Variants in ZSCAN25 observed in about 807,000 individuals in gnomAD.
ZSCAN25 encodes the protein zinc finger and SCAN domain containing 25, also known as zinc finger and SCAN domain-containing protein 25.
ZSCAN25 carries 27 observed loss-of-function variants against 38.7 expected under a neutral mutation model. That is an observed-to-expected ratio of 0.70 (90% CI 0.51 to 0.96). The LOEUF (loss-of-function observed/expected upper bound fraction) is 0.96, where lower values mean the gene tolerates loss of function less well. Ranked by LOEUF, ZSCAN25 falls within the 40% of genes least tolerant of loss-of-function variation. ZSCAN25 has a pLI of 0.00. For missense variants in ZSCAN25, 637 were observed against 705.9 expected, an observed-to-expected ratio of 0.90 and a Z score of 1.11; for synonymous variants, 273 against 277.7, an observed-to-expected ratio of 0.98 and a Z score of 0.17.
At chr7:99,620,090 G>A in intron 4 of ZSCAN25, 97 bp downstream of exon 4, 4 of 1,440,524 alleles carry the variant, frequency 2.8e-6, no homozygotes, top group South Asian at 2.9e-5. Context: ...TGGACGAGGT[G>A]TGGAGCCGCC....
chr7:99,659,796 T>C, the ZSCAN25 span: 37,279 of 153,312 alleles, frequency 0.24, 8,295 homozygotes, highest in African/African-American at 0.59. Context: ...CCCCCAGCCT[T>C]GCTGCTGCCT....
At chr7:99,672,511 G>T in the ZSCAN25 span, 1 of 1,368,012 alleles carries the variant, frequency 7.3e-7, no homozygotes, top group Non-Finnish European at 1.0e-6. Flanking sequence ...GTGAATATAT[G>T]TTTTTTTCAA....
At chr7:99,660,432 A>G in the ZSCAN25 span, 3 of 1,511,164 alleles carry the variant, frequency 2.0e-6, no homozygotes. Context: ...TCTCCTGGGG[A>G]GTGGTGAGGA....
At chr7:99,624,415 G>A (rs1807281008) in intron 7 of ZSCAN25, 2 of 543,588 alleles carry the variant, frequency 3.7e-6, no homozygotes, top group Non-Finnish European at 6.6e-6. Context: ...AGACAGGTCG[G>A]TCATGAGGAC....
chr7:99,664,034 A>G, the ZSCAN25 span: 4 of 1,601,464 alleles, frequency 2.5e-6, no homozygotes, highest in African/African-American at 5.4e-5. Context: ...AATTTATGGT[A>G]TCTTTTGGAA....
At chr7:99,726,492 A>T in the ZSCAN25 span, among the ~76,000 whole-genome samples, 1 of 151,808 alleles carries the variant, frequency 6.6e-6, no homozygotes, top group Non-Finnish European at 1.5e-5. Flanking sequence ...TCCCTCCACA[A>T]CTCACTATTC....
chr7:99,713,382 T>C, the ZSCAN25 span: 6 of 1,587,804 alleles, frequency 3.8e-6, no homozygotes, highest in South Asian at 6.6e-5. Flanking sequence ...AATTCTCATC[T>C]ACCTGGAATA....
At chr7:99,644,168 G>A in the ZSCAN25 span, among the ~76,000 whole-genome samples, 1 of 152,128 alleles carries the variant, frequency 6.6e-6, no homozygotes, top group Non-Finnish European at 1.5e-5. Flanking sequence ...CTTGTACTGA[G>A]TCATTGTTTT....
At chr7:99,683,207 A>G in the ZSCAN25 span, among the ~76,000 whole-genome samples, 1 of 152,196 alleles carries the variant, frequency 6.6e-6, no homozygotes, top group African/African-American at 2.4e-5. Flanking sequence ...TTTCTCTAAA[A>G]AGCTCTGGTT....
Position 99,624,931 on chromosome 7 carries a change from C to T in ZSCAN25, c.805+751C>T, listed in dbSNP as rs549823580. Among the ~76,000 whole-genome samples, 20 of 152,208 alleles carry T rather than the reference C, an allele frequency of 1.3e-4. No homozygotes were observed. In the South Asian group the frequency reaches 3.5e-3, roughly 27 times the overall value. On this transcript the variant is annotated intron_variant, in intron 7 of 7. Transcript: ENST00000394152. The stretch of plus-strand genomic sequence containing the variant: ...GGGAGAGGAAACACTGTGGCTGGAG[C>T]GGCCTGTCCTTGTTCTTTGATTTTC...
At chr7:99,664,115 A>C in the ZSCAN25 span, 59 of 1,544,326 alleles carry the variant, frequency 3.8e-5, no homozygotes, top group Non-Finnish European at 4.4e-5. Flanking sequence ...AAACAAAACA[A>C]ACAAAAGGAA....
chr7:99,687,177 G>A, the ZSCAN25 span, among the ~76,000 whole-genome samples: 1 of 152,244 alleles, frequency 6.6e-6, no homozygotes, highest in Non-Finnish European at 1.5e-5. Context: ...GATGGAGAAT[G>A]ACTTTGGCAA....
the ZSCAN25 span, chr7:99,650,113 AC>A: frequency 1.9e-3 from 3,012 of 1,614,164 alleles, 3 homozygotes; most frequent in Non-Finnish European, 2.4e-3. Flanking sequence ...GTTCTGAAGG[AC>A]TCTGATTAGA....
At chr7:99,723,935 T>C in the ZSCAN25 span, among the ~76,000 whole-genome samples, 3 of 152,188 alleles carry the variant, frequency 2.0e-5, no homozygotes, top group African/African-American at 4.8e-5. Flanking sequence ...TTCACCCACA[T>C]TTCAGAGGTA....
the ZSCAN25 span, among the ~76,000 whole-genome samples, chr7:99,657,686 T>TA: frequency 1.3e-5 from 2 of 152,246 alleles, no homozygotes; most frequent in Non-Finnish European, 2.9e-5. Context: ...AGTGTGGTGT[T>TA]AAAGTCTTCC....
At chr7:99,733,648 A>G in the ZSCAN25 span, among the ~76,000 whole-genome samples, 1 of 152,174 alleles carries the variant, frequency 6.6e-6, no homozygotes, top group African/African-American at 2.4e-5. Context: ...GGCTTCAAGC[A>G]GATGAGATGC....
chr7:99,631,127 C>G lies in ZSCAN25; in HGVS notation c.*1107C>G, dbSNP rs1328142174. Reference sequence around the variant, plus strand: ...CGTGGATGTACCTGATCTTCAGAACCCGTGGATATTCCTGCAAATCCTCTG... The same window carrying G: ...CGTGGATGTACCTGATCTTCAGAACGCGTGGATATTCCTGCAAATCCTCTG... On this transcript the variant is annotated 3_prime_UTR_variant, in exon 8 of 8. Transcript: ENST00000394152. 1 of 985,286 alleles carries G rather than the reference C, an allele frequency of 1.0e-6. No individual in the cohort carries two copies. Among genetic ancestry groups the G allele is most frequent in the East Asian group, 1.1e-4 (1 of 8,834 alleles). 61.0% of individuals were successfully genotyped at this position (985,286 alleles called of 1,614,324 possible). A position where few individuals can be genotyped will look rare whatever the true frequency, so the allele number is the denominator to read the frequency against.
At chr7:99,686,440 C>A in the ZSCAN25 span, among the ~76,000 whole-genome samples, 1 of 152,146 alleles carries the variant, frequency 6.6e-6, no homozygotes, top group Non-Finnish European at 1.5e-5. Context: ...AACTGCAAGG[C>A]GGCAGTGAGG....
intron 4 of ZSCAN25, chr7:99,621,057 A>G (rs140975786): frequency 8.3e-4 from 168 of 202,918 alleles, no homozygotes; most frequent in African/African-American, 3.8e-3. Context: ...TCAATTAGGA[A>G]TTTTTTTTTC....
Sources: gnomAD v4.1 joint callset for allele counts (sites outside exome capture counted in the v4.1 genomes callset) on GRCh38, gnomAD v4.1.1 for gene constraint, MANE v1.5 for transcripts, NCBI Gene and HGNC (gene_info 2026-07-23, HGNC 2026-07-21) for gene names.